GRIN2A: variants seen among roughly 807,000 people sequenced by gnomAD.
GRIN2A encodes the protein glutamate receptor ionotropic, NMDA 2A.
A neutral mutation model predicts 113.4 loss-of-function variants in GRIN2A; 22 were observed. That is an observed-to-expected ratio of 0.19 (90% confidence interval 0.14 to 0.28). The LOEUF is 0.28. GRIN2A is among the 10% of genes least tolerant of loss of function. GRIN2A has a pLI of 1.00. For synonymous variants in GRIN2A, 827 were observed against 738.4 expected, an observed-to-expected ratio of 1.12 and a Z score of -1.94; for missense variants, 1,502 against 1,887.0, an observed-to-expected ratio of 0.80 and a Z score of 3.78.
chr16:9,795,049 A>G (rs1902890241), intron 11 of GRIN2A, among the ~76,000 whole-genome samples: 2 of 152,150 alleles, frequency 1.3e-5, no homozygotes, highest in South Asian at 4.2e-4. Context: ...GGTGGTGGTG[A>G]TGATAATGAT....
chr16:10,179,979 C>CA lies in GRIN2A; in HGVS notation c.414+18dup. 6.3e-7 allele frequency: 1 copy of CA among 1,595,062 alleles called. No homozygotes were observed. The highest frequency in any genetic ancestry group is 8.6e-7 in the Non-Finnish European group (1 of 1,167,794). On this transcript the variant is annotated intron_variant, in intron 2 of 12. Transcript: ENST00000330684. ...GGTGGCTTCCCAGGTCCTGGCAGGG[C>CA]ATCAGTTTCCGGCCTTACCTTGTCA... is the stretch of plus-strand genomic sequence containing the variant.
At chr16:9,889,491 T>G (rs2043650543) in intron 4 of GRIN2A, among the ~76,000 whole-genome samples, 1 of 152,176 alleles carries the variant, frequency 6.6e-6, no homozygotes, top group African/African-American at 2.4e-5. Flanking sequence ...TATGATTTTT[T>G]TCTTCTACTT....
intron 2 of GRIN2A, chr16:10,033,714 G>C (rs1438046938): frequency 6.6e-6 from 1 of 152,390 alleles, no homozygotes; most frequent in East Asian, 1.9e-4. Flanking sequence ...AGGGGAGCCA[G>C]AGAGAAGCAA....
intron 2 of GRIN2A, among the ~76,000 whole-genome samples, chr16:9,981,844 G>A (rs1442038135): frequency 6.6e-6 from 1 of 152,044 alleles, no homozygotes; most frequent in Non-Finnish European, 1.5e-5. Context: ...TGGAGTGCAG[G>A]GGTGTGATCT....
At chr16:10,076,649 C>G (rs1567281331) in intron 2 of GRIN2A, among the ~76,000 whole-genome samples, 1 of 152,144 alleles carries the variant, frequency 6.6e-6, no homozygotes, top group Non-Finnish European at 1.5e-5. Context: ...GGAAAAGACC[C>G]AAGTTCTACC....
chr16:9,968,610 G>A (rs2045608553), intron 2 of GRIN2A, among the ~76,000 whole-genome samples: 1 of 151,494 alleles, frequency 6.6e-6, no homozygotes, highest in Non-Finnish European at 1.5e-5. Flanking sequence ...ACCATACCTG[G>A]TCGTATTTAT....
chr16:10,112,581 T>G, intron 2 of GRIN2A: 1 of 771,576 alleles, frequency 1.3e-6, no homozygotes, highest in Admixed American at 1.7e-5. Flanking sequence ...CGAGTACTTC[T>G]TCTCAGACAG....
At chr16:9,845,462 T>A (rs919439952) in intron 5 of GRIN2A, among the ~76,000 whole-genome samples, 1 of 152,152 alleles carries the variant, frequency 6.6e-6, no homozygotes, top group Non-Finnish European at 1.5e-5. Flanking sequence ...GGTGTCCCAC[T>A]GAAGTTAGAC....
At chr16:10,089,852 C>T (rs1469035890) in intron 2 of GRIN2A, among the ~76,000 whole-genome samples, 1 of 152,058 alleles carries the variant, frequency 6.6e-6, no homozygotes, top group Non-Finnish European at 1.5e-5. Context: ...AAATTAATTC[C>T]ATCCTCCTCC....
intron 2 of GRIN2A, among the ~76,000 whole-genome samples, chr16:9,939,033 T>C (rs1427765927): frequency 6.6e-6 from 1 of 152,238 alleles, no homozygotes; most frequent in African/African-American, 2.4e-5. Context: ...AGTGAGTTTC[T>C]ATGTTCATTT....
intron 2 of GRIN2A, among the ~76,000 whole-genome samples, chr16:9,941,632 A>G (rs2044878887): frequency 6.6e-6 from 1 of 152,206 alleles, no homozygotes; most frequent in South Asian, 2.1e-4. Context: ...CTGGGGTTGG[A>G]CTACCCAGCT....
intron 2 of GRIN2A, among the ~76,000 whole-genome samples, chr16:10,144,224 G>A (rs751538400): frequency 2.6e-5 from 4 of 152,076 alleles, no homozygotes; most frequent in Admixed American, 6.5e-5. Context: ...TCGAGGAGCC[G>A]CCATACTGTT....
chr16:10,089,193 T>C (rs2048139469), intron 2 of GRIN2A, among the ~76,000 whole-genome samples: 2 of 152,188 alleles, frequency 1.3e-5, no homozygotes, highest in Admixed American at 6.5e-5. Flanking sequence ...GACAAAACGG[T>C]GAGTGAAAAC....
At chr16:9,901,084 C>A (rs1206856622) in intron 3 of GRIN2A, among the ~76,000 whole-genome samples, 1 of 152,206 alleles carries the variant, frequency 6.6e-6, no homozygotes, top group Non-Finnish European at 1.5e-5. Context: ...TATTCACATA[C>A]TGGAATATAG....
rs117568616 is a variant in GRIN2A at position 9,985,193 on chromosome 16, A to G, written c.415-46642T>C. ...TAAAGATGTTAACTTCCTTGTCATC[A>G]GTAAGAACAAACCTAATGATGTTAT... is the stretch of plus-strand genomic sequence containing the variant. On this transcript the variant is annotated intron_variant, in intron 2 of 12. Transcript: ENST00000330684. 1.4e-3 allele frequency among the ~76,000 whole-genome samples: 217 copies of G among 152,344 alleles called. 4 individuals are homozygous for G. The East Asian group carries it at 0.037, about 26-fold the overall frequency.
chr16:10,108,183 C>A (rs2142134123), intron 2 of GRIN2A, among the ~76,000 whole-genome samples: 1 of 152,288 alleles, frequency 6.6e-6, no homozygotes. Context: ...TACCACATGG[C>A]TGGGAAGGCC....
Position 9,883,652 on chromosome 16 carries a change from A to G in GRIN2A, c.1122+7334T>C, listed in dbSNP as rs1323446578. On this transcript the variant is annotated intron_variant, in intron 4 of 12. Transcript: ENST00000330684. ...TGTGTTGGGGTACGGGCGAATAAAC[A>G]TATCCGTGGGAGGAAGATGATGAGT... 3.3e-5 allele frequency among the ~76,000 whole-genome samples: 5 copies of G among 152,184 alleles called. No individual in the cohort carries two copies. In the East Asian group the frequency reaches 9.6e-4, roughly 29 times the overall value.
chr16:10,093,407 T>C (rs1291127344), intron 2 of GRIN2A, among the ~76,000 whole-genome samples: 1 of 152,188 alleles, frequency 6.6e-6, no homozygotes, highest in Admixed American at 6.5e-5. Flanking sequence ...GACCACTAGG[T>C]TCAGCCCTGA....
chr16:10,089,205 A>G (rs2048139722), intron 2 of GRIN2A, among the ~76,000 whole-genome samples: 1 of 152,236 alleles, frequency 6.6e-6, no homozygotes, highest in African/African-American at 2.4e-5. Context: ...AGTGAAAACT[A>G]ATACAGTTCC....
Sources: allele counts gnomAD v4.1 joint callset (sites outside exome capture counted in the v4.1 genomes callset), GRCh38; gene constraint gnomAD v4.1.1; transcripts MANE v1.5; gene names NCBI Gene and HGNC (gene_info 2026-07-23, HGNC 2026-07-21).